Variants in CNTNAP5 observed in about 807,000 individuals in gnomAD.
CNTNAP5 encodes the protein contactin-associated protein-like 5.
Under a neutral mutation model 150.2 loss-of-function variants are expected in CNTNAP5, and 72 were observed. The ratio of observed to expected loss-of-function variants is 0.48; its 90% CI spans 0.40 to 0.58. CNTNAP5 has a LOEUF of 0.58. CNTNAP5 is among the 20% of genes least tolerant of loss of function. The pLI, the probability that CNTNAP5 is intolerant of heterozygous loss-of-function variation, is 0.00. For missense variants in CNTNAP5, 1,636 were observed against 1,626.2 expected, an observed-to-expected ratio of 1.01 and a Z score of -0.10; for synonymous variants, 672 against 619.8, an observed-to-expected ratio of 1.08 and a Z score of -1.25.
At chr2:124,255,064 G>C (rs866541888) in intron 3 of CNTNAP5, among the ~76,000 whole-genome samples, 7 of 152,290 alleles carry the variant, frequency 4.6e-5, no homozygotes, top group South Asian at 2.1e-4. Flanking sequence ...GGAGAGGTCA[G>C]GAAAGTAACA....
At chr2:124,913,571 G>A (rs1004047909) in intron 23 of CNTNAP5, among the ~76,000 whole-genome samples, 2 of 152,094 alleles carry the variant, frequency 1.3e-5, no homozygotes, top group African/African-American at 4.8e-5. Flanking sequence ...AATTTATAGC[G>A]ATCATTTCAT....
chr2:124,831,539 T>C (rs137936329), intron 19 of CNTNAP5, among the ~76,000 whole-genome samples: 1 of 150,932 alleles, frequency 6.6e-6, no homozygotes, highest in East Asian at 1.9e-4. Flanking sequence ...TTGCATACTT[T>C]GTATATATAA....
At chr2:124,096,317 G>A (rs1461613810) in intron 1 of CNTNAP5, among the ~76,000 whole-genome samples, 3 of 152,060 alleles carry the variant, frequency 2.0e-5, no homozygotes, top group Non-Finnish European at 4.4e-5. Flanking sequence ...ACATATGGGA[G>A]CCCTGCTGAA....
intron 21 of CNTNAP5, among the ~76,000 whole-genome samples, chr2:124,874,652 T>G (rs1201695356): frequency 6.6e-6 from 1 of 152,086 alleles, no homozygotes; most frequent in African/African-American, 2.4e-5. Flanking sequence ...TTATCTCTTC[T>G]TAAAGAAGAC....
intron 19 of CNTNAP5, among the ~76,000 whole-genome samples, chr2:124,843,309 T>C (rs996603072): frequency 6.6e-5 from 10 of 151,802 alleles, no homozygotes; most frequent in African/African-American, 2.4e-4. Flanking sequence ...GGGCTGGTTC[T>C]GTATTTTTGC....
chr2:124,090,660 A>G (rs1390737397), intron 1 of CNTNAP5, among the ~76,000 whole-genome samples: 3 of 152,236 alleles, frequency 2.0e-5, no homozygotes, highest in African/African-American at 4.8e-5. Context: ...GACATATTAC[A>G]TAATCACAAA....
intron 13 of CNTNAP5, among the ~76,000 whole-genome samples, chr2:124,669,443 C>T (rs1006164056): frequency 2.6e-5 from 4 of 152,204 alleles, no homozygotes; most frequent in African/African-American, 7.2e-5. Flanking sequence ...ACTTCTGCTA[C>T]CTTGTTTGTT....
chr2:124,309,226 T>A (rs1688765376), intron 3 of CNTNAP5, among the ~76,000 whole-genome samples: 1 of 152,164 alleles, frequency 6.6e-6, no homozygotes, highest in African/African-American at 2.4e-5. Flanking sequence ...AACCTATCTT[T>A]GGACTGCAGA....
intron 1 of CNTNAP5, among the ~76,000 whole-genome samples, chr2:124,071,389 C>CA (rs1265464213): frequency 1.3e-5 from 2 of 151,160 alleles, no homozygotes; most frequent in African/African-American, 2.4e-5. Context: ...GAAAACAATG[C>CA]AAAAAATTAA....
chr2:124,578,705 T>A (rs1696349181), intron 11 of CNTNAP5, among the ~76,000 whole-genome samples: 1 of 151,934 alleles, frequency 6.6e-6, no homozygotes, highest in Admixed American at 6.6e-5. Flanking sequence ...CCCAGGATGT[T>A]GAGTCTGCAG....
intron 19 of CNTNAP5, among the ~76,000 whole-genome samples, chr2:124,853,975 A>G (rs1050691861): frequency 4.6e-5 from 7 of 152,218 alleles, no homozygotes; most frequent in Non-Finnish European, 1.0e-4. Flanking sequence ...CTGTTCCCAC[A>G]AAAGACATGA....
intron 5 of CNTNAP5, among the ~76,000 whole-genome samples, chr2:124,438,129 TG>T (rs1311260659): frequency 6.6e-6 from 1 of 152,130 alleles, no homozygotes; most frequent in East Asian, 1.9e-4. Context: ...GTGTCTGGCT[TG>T]GGTAGAGACA....
intron 10 of CNTNAP5, among the ~76,000 whole-genome samples, chr2:124,551,876 TA>T (rs1476045976): frequency 2.0e-5 from 3 of 152,200 alleles, no homozygotes; most frequent in Admixed American, 6.5e-5. Context: ...ACACTGAGTA[TA>T]TTTTTTAATG....
chr2:124,909,826 CATATAT>C (rs368913883), intron 22 of CNTNAP5, among the ~76,000 whole-genome samples: 809 of 74,628 alleles, frequency 0.011, 17 homozygotes, highest in Middle Eastern at 0.033. Flanking sequence ...CAATTGGTGA[CATATAT>C]ATATATATAT....
At chr2:124,335,079 A>G (rs1689438354) in intron 3 of CNTNAP5, among the ~76,000 whole-genome samples, 1 of 152,132 alleles carries the variant, frequency 6.6e-6, no homozygotes, top group Non-Finnish European at 1.5e-5. Context: ...GCAAAAAGAT[A>G]TCTGCTACCA....
At chr2:124,475,283 G>C (rs940464066) in intron 7 of CNTNAP5, among the ~76,000 whole-genome samples, 1 of 152,036 alleles carries the variant, frequency 6.6e-6, no homozygotes, top group South Asian at 2.1e-4. Flanking sequence ...ATTAAAAATA[G>C]TTCCTTTTAA....
intron 14 of CNTNAP5, among the ~76,000 whole-genome samples, chr2:124,759,722 T>C (rs1368978167): frequency 6.6e-6 from 1 of 151,902 alleles, no homozygotes; most frequent in Non-Finnish European, 1.5e-5. Flanking sequence ...ACATACTTTA[T>C]TTGCCTTCAC....
intron 7 of CNTNAP5, among the ~76,000 whole-genome samples, chr2:124,482,379 T>C: frequency 6.6e-6 from 1 of 152,160 alleles, no homozygotes; most frequent in Admixed American, 6.5e-5. Flanking sequence ...AAGTCAATGA[T>C]ATATATTAGT....
At chr2:124,817,763 T>C (rs1173864656) in intron 19 of CNTNAP5, among the ~76,000 whole-genome samples, 3 of 152,172 alleles carry the variant, frequency 2.0e-5, no homozygotes, top group Admixed American at 6.5e-5. Flanking sequence ...GCTCAAAACA[T>C]ATCTATACTC....
Sources: gnomAD v4.1 joint callset for allele counts (sites outside exome capture counted in the v4.1 genomes callset) on GRCh38, gnomAD v4.1.1 for gene constraint, MANE v1.5 for transcripts, NCBI Gene and HGNC (gene_info 2026-07-23, HGNC 2026-07-21) for gene names.